Variants in MCTP1 observed in about 807,000 individuals in gnomAD.
MCTP1 encodes the protein multiple C2 and transmembrane domain-containing protein 1.
A neutral mutation model predicts 120.6 loss-of-function variants in MCTP1; 69 were observed. The ratio of observed to expected loss-of-function variants is 0.57; its 90% CI spans 0.47 to 0.70. The LOEUF is 0.70. Ranked by LOEUF, MCTP1 falls within the 30% of genes least tolerant of loss-of-function variation. The pLI is 0.00. For synonymous variants in MCTP1, 529 were observed against 493.1 expected (o/e 1.07, Z -0.96); for missense variants, 1,203 against 1,248.8 (o/e 0.96, Z 0.55).
At chr5:95,044,361 T>G (rs1417639183) in intron 1 of MCTP1, among the ~76,000 whole-genome samples, 7 of 152,192 alleles carry the variant, frequency 4.6e-5, no homozygotes, top group Admixed American at 4.6e-4. Context: ...GGAAGAGCAG[T>G]TCTGCTCAAC....
intron 1 of MCTP1, among the ~76,000 whole-genome samples, chr5:95,240,844 T>C (rs1175250108): frequency 2.0e-5 from 3 of 152,116 alleles, no homozygotes; most frequent in Admixed American, 6.6e-5. Flanking sequence ...TTTTCATACT[T>C]ACAGCTTAAA....
rs533055940 is a variant in MCTP1, at chr5:94,788,585, CCAAA to C, written c.2557-9426_2557-9423del. ...TACCATCACCCTTCCCCCACCACCA[CCAAA>C]CAGAGAACAATGATCAAGACTAGAA... is the stretch of plus-strand genomic sequence containing the variant. On this transcript the variant is annotated intron_variant, in intron 18 of 22. Transcript: ENST00000515393. Among the ~76,000 whole-genome samples the C allele has an allele frequency of 3.3e-5, 5 of 152,280 alleles. No individual in the cohort carries two copies. In the South Asian group the frequency reaches 8.3e-4, roughly 25 times the overall value.
chr5:94,740,125 CTT>C (rs1765178135), intron 19 of MCTP1, among the ~76,000 whole-genome samples: 2 of 152,106 alleles, frequency 1.3e-5, no homozygotes, highest in South Asian at 2.1e-4. Flanking sequence ...TTCATGTTGA[CTT>C]ATCATTCTTA....
intron 19 of MCTP1, among the ~76,000 whole-genome samples, chr5:94,764,998 C>T (rs921534827): frequency 4.6e-5 from 7 of 152,056 alleles, no homozygotes; most frequent in East Asian, 3.9e-4. Flanking sequence ...TATTAGGCCA[C>T]GAAACAACTC....
In MCTP1 at chr5:95,217,886, C is replaced by T. The variant is rs112124036; in HGVS notation, c.720+65970G>A. Among the ~76,000 whole-genome samples the T allele has an allele frequency of 6.7e-3, 1,014 of 152,228 alleles. 8 individuals carry two copies. The highest frequency in any genetic ancestry group is 0.024 in the African/African-American group (982 of 41,534). ...AACCTAACTTGTCACTAAATAGTAG[C>T]ACAAAAGAAAGAATAATCATGATCC... On this transcript the variant is annotated intron_variant, in intron 1 of 22. Transcript: ENST00000515393.
At chr5:95,084,048 C>A (rs1562129764) in intron 1 of MCTP1, among the ~76,000 whole-genome samples, 1 of 151,904 alleles carries the variant, frequency 6.6e-6, no homozygotes, top group Non-Finnish European at 1.5e-5. Context: ...TGCATATTCA[C>A]AGAAAAGGGC....
intron 1 of MCTP1, chr5:95,068,941 A>T: frequency 1.7e-4 from 54 of 324,726 alleles, no homozygotes; most frequent in Non-Finnish European, 2.4e-4. Context: ...CCAGGGGAAG[A>T]TTGTGAGCAG....
intron 10 of MCTP1, among the ~76,000 whole-genome samples, chr5:94,895,870 G>C (rs577482164): frequency 6.6e-6 from 1 of 152,300 alleles, no homozygotes; most frequent in Non-Finnish European, 1.5e-5. Context: ...TCTGGGACTA[G>C]ACACGAATGG....
rs547465478 is a variant in MCTP1 at position 94,802,691 on chromosome 5, G to A, written c.2437-3559C>T. On this transcript the variant is annotated intron_variant, in intron 17 of 22. Coordinates refer to ENST00000515393, the MANE Select transcript of MCTP1 (RefSeq NM_024717.7). ...TTGGTCCTGATTATACATTTTCAGAGGTATTGGGGGAAACGAGAGATACAA... is the reference window on the plus strand; with the variant it reads ...TTGGTCCTGATTATACATTTTCAGAAGTATTGGGGGAAACGAGAGATACAA... Among the ~76,000 whole-genome samples the A allele has an allele frequency of 5.3e-5, 8 of 152,216 alleles. No individual in the cohort carries two copies. The South Asian group carries it at 1.7e-3, about 32-fold the overall frequency.
intron 1 of MCTP1, among the ~76,000 whole-genome samples, chr5:95,209,803 G>A (rs1220347104): frequency 6.6e-6 from 1 of 152,094 alleles, no homozygotes; most frequent in African/African-American, 2.4e-5. Context: ...TCTCTTGTGG[G>A]CATTTAGTGC....
chr5:94,798,886 C>G (rs1780616460), intron 18 of MCTP1, 127 bp downstream of exon 18: 1 of 956,050 alleles, frequency 1.0e-6, no homozygotes, highest in African/African-American at 1.7e-5. Flanking sequence ...CCTGATAAAA[C>G]TTTCCTCTAA....
intron 5 of MCTP1, among the ~76,000 whole-genome samples, chr5:94,936,232 A>G (rs889522709): frequency 2.6e-4 from 35 of 136,784 alleles, no homozygotes; most frequent in Non-Finnish European, 4.6e-4. Context: ...TTGAATATTG[A>G]GGTAAGAAAA....
intron 2 of MCTP1, among the ~76,000 whole-genome samples, chr5:94,991,769 A>G (rs1480094317): frequency 6.6e-6 from 1 of 151,784 alleles, no homozygotes; most frequent in East Asian, 1.9e-4. Flanking sequence ...CCCAGCTACT[A>G]GGGAAGCTGA....
chr5:95,155,701 A>G (rs1266751110), intron 1 of MCTP1, among the ~76,000 whole-genome samples: 5 of 152,214 alleles, frequency 3.3e-5, no homozygotes, highest in Non-Finnish European at 7.3e-5. Context: ...AAGCTATGGA[A>G]GGAGACCTGA....
At chr5:94,807,802 C>T (rs1782669678) in intron 17 of MCTP1, among the ~76,000 whole-genome samples, 1 of 152,028 alleles carries the variant, frequency 6.6e-6, no homozygotes, top group African/African-American at 2.4e-5. Context: ...TTTTCCTGCC[C>T]CAAATGCTAA....
intron 19 of MCTP1, 81 bp from the exon 20 acceptor site, chr5:94,714,967 C>G (rs1353372688): frequency 6.1e-6 from 5 of 817,584 alleles, no homozygotes; most frequent in African/African-American, 1.7e-5. Flanking sequence ...CCCTCTGTTA[C>G]ATTTTTAAAC....
chr5:94,859,784 C>A (rs915199275), intron 17 of MCTP1, among the ~76,000 whole-genome samples: 3 of 151,668 alleles, frequency 2.0e-5, no homozygotes, highest in Non-Finnish European at 3.0e-5. Flanking sequence ...TTCTCGTATA[C>A]AACCAGTATA....
intron 1 of MCTP1, among the ~76,000 whole-genome samples, chr5:95,265,986 A>C (rs77505970): frequency 6.6e-6 from 1 of 152,232 alleles, no homozygotes; most frequent in Non-Finnish European, 1.5e-5. Flanking sequence ...AGAATGCATA[A>C]GAAGGAAACA....
chr5:95,119,021 T>C (rs1470241463), intron 1 of MCTP1, among the ~76,000 whole-genome samples: 2 of 152,192 alleles, frequency 1.3e-5, no homozygotes, highest in African/African-American at 4.8e-5. Context: ...TAATCTGCAC[T>C]ACAGAACACA....
Sources: gnomAD v4.1 joint callset for allele counts (sites outside exome capture counted in the v4.1 genomes callset) on GRCh38, gnomAD v4.1.1 for gene constraint, MANE v1.5 for transcripts, NCBI Gene and HGNC (gene_info 2026-07-23, HGNC 2026-07-21) for gene names.